Variants in CHRM2 observed in about 807,000 individuals in gnomAD.
CHRM2 encodes the protein cholinergic receptor muscarinic 2.
In CHRM2, 8 loss-of-function variants were observed where a neutral mutation model predicts 25.0. The ratio of observed to expected loss-of-function variants is 0.32; its 90% confidence interval spans 0.19 to 0.58. The LOEUF (loss-of-function observed/expected upper bound fraction) is 0.58, where lower values mean the gene tolerates loss of function less well. Ranked by LOEUF, CHRM2 falls within the 20% of genes least tolerant of loss-of-function variation. The probability of loss-of-function intolerance (pLI) is 0.88; values close to 1 mark genes in which losing one functional copy is unlikely to be tolerated. For missense variants in CHRM2, 440 were observed against 567.1 expected, an observed-to-expected ratio of 0.78 and a Z score of 2.28; for synonymous variants, 202 against 205.7, an observed-to-expected ratio of 0.98 and a Z score of 0.15.
intron 2 of CHRM2, among the ~76,000 whole-genome samples, chr7:136,977,814 G>A (rs1312634635): frequency 1.3e-5 from 2 of 152,080 alleles, no homozygotes; most frequent in Non-Finnish European, 2.9e-5. Context: ...CTTTACCAAG[G>A]CCAATGTCCA....
At chr7:136,991,242 C>T (rs1803206429) in intron 2 of CHRM2, among the ~76,000 whole-genome samples, 1 of 152,060 alleles carries the variant, frequency 6.6e-6, no homozygotes, top group South Asian at 2.1e-4. Flanking sequence ...ATGTTACCTT[C>T]TAGGATTTTT....
At chr7:136,983,984 G>A (rs1270231874) in intron 2 of CHRM2, among the ~76,000 whole-genome samples, 1 of 152,176 alleles carries the variant, frequency 6.6e-6, no homozygotes, top group East Asian at 1.9e-4. Flanking sequence ...GAGATCCGCT[G>A]CTCTCTTCAG....
chr7:136,976,951 T>A (rs1584862670), intron 2 of CHRM2, among the ~76,000 whole-genome samples: 1 of 152,188 alleles, frequency 6.6e-6, no homozygotes, highest in Admixed American at 6.5e-5. Context: ...CTGGAAATGT[T>A]GCAGTCTATT....
chr7:136,894,308 T>A (rs969042326), intron 2 of CHRM2, among the ~76,000 whole-genome samples: 6 of 152,174 alleles, frequency 3.9e-5, no homozygotes, highest in Admixed American at 3.9e-4. Flanking sequence ...AAATATAATC[T>A]TAGTTATCAT....
At chr7:136,980,766 C>A in intron 2 of CHRM2, among the ~76,000 whole-genome samples, 1 of 152,286 alleles carries the variant, frequency 6.6e-6, no homozygotes, top group East Asian at 1.9e-4. Context: ...GTGTGTTGAA[C>A]CAGCCTTGCA....
intron 2 of CHRM2, among the ~76,000 whole-genome samples, chr7:136,896,108 CT>C (rs1481616408): frequency 6.6e-6 from 1 of 151,992 alleles, no homozygotes; most frequent in Non-Finnish European, 1.5e-5. Flanking sequence ...ATTGCCTTTA[CT>C]TTTTTTTCTA....
In CHRM2 at chr7:136,881,909, G is replaced by A. The variant is rs117807411; in HGVS notation, c.-125+12491G>A. Among the ~76,000 whole-genome samples, 1,274 of 152,106 alleles carry A rather than the reference G, an allele frequency of 8.4e-3. 5 individuals are homozygous for A. The highest frequency in any genetic ancestry group is 0.014 in the Non-Finnish European group (955 of 67,926). On this transcript the variant is annotated intron_variant, in intron 2 of 3. Coordinates refer to ENST00000680005, the MANE Select transcript of CHRM2 (RefSeq NM_001006630.2). ...AATCTTCAGCAGCCATGGCCATGAC[G>A]AAGCTAAGTTAAAAAACTGAAAACC...
intron 3 of CHRM2, among the ~76,000 whole-genome samples, chr7:137,009,475 G>A (rs933150586): frequency 1.3e-5 from 2 of 152,044 alleles, no homozygotes; most frequent in African/African-American, 4.8e-5. Flanking sequence ...TATTGTGAAT[G>A]TCTCCTGCCC....
At chr7:136,938,799 C>A (rs532481169) in intron 2 of CHRM2, among the ~76,000 whole-genome samples, 2 of 151,814 alleles carry the variant, frequency 1.3e-5, no homozygotes, top group African/African-American at 4.8e-5. Flanking sequence ...GAAGCTCAGC[C>A]CTAGCCCTCA....
intron 2 of CHRM2, among the ~76,000 whole-genome samples, chr7:136,943,689 G>A (rs1179510163): frequency 3.9e-5 from 3 of 77,296 alleles, no homozygotes; most frequent in African/African-American, 1.7e-4. Flanking sequence ...CCAGAAAATG[G>A]GAACAGGAAC....
rs550795454 is a variant in CHRM2 at position 136,869,936 on chromosome 7, G to A, written c.-125+518G>A. On this transcript the variant is annotated intron_variant, in intron 2 of 3. Coordinates refer to ENST00000680005, the MANE Select transcript of CHRM2 (RefSeq NM_001006630.2). The surrounding 1 kb of genome is among the most constrained non-coding windows in gnomAD (Gnocchi z 4.9). ...TCGCTCGGGCTCCGAGCTGTCCCCCGGCTCCGCTTTCGGAGCAGCCCTTGG... is the reference window on the plus strand; with the variant it reads ...TCGCTCGGGCTCCGAGCTGTCCCCCAGCTCCGCTTTCGGAGCAGCCCTTGG... 1 of 152,366 alleles carries A rather than the reference G, an allele frequency of 6.6e-6. No individual in the cohort carries two copies. Among genetic ancestry groups the A allele is most frequent in the Non-Finnish European group, 1.5e-5 (1 of 68,172 alleles). 9.4% of individuals were successfully genotyped at this position (152,366 alleles called of 1,614,324 possible).
chr7:136,916,941 T>C (rs1798150752), intron 2 of CHRM2, among the ~76,000 whole-genome samples: 1 of 151,798 alleles, frequency 6.6e-6, no homozygotes, highest in South Asian at 2.1e-4. Context: ...TTTAATTCAG[T>C]TTCACAAAAA....
chr7:136,875,053 GTGTGTGTA>G (rs2130469777), intron 2 of CHRM2, among the ~76,000 whole-genome samples: 1 of 149,158 alleles, frequency 6.7e-6, no homozygotes, highest in African/African-American at 2.5e-5. Context: ...AAAAATGCAT[GTGTGTGTA>G]TGTGTGTATA....
chr7:136,958,399 C>T (rs1426196810), intron 2 of CHRM2, among the ~76,000 whole-genome samples: 1 of 146,422 alleles, frequency 6.8e-6, no homozygotes, highest in Non-Finnish European at 1.5e-5. Context: ...GTACTTCTTA[C>T]ATCTATTGTA....
rs183477420 is a variant in CHRM2 at position 136,962,011 on chromosome 7, C to T, written c.-124-30176C>T. On this transcript the variant is annotated intron_variant, in intron 2 of 3. Transcript: ENST00000680005. ...AACATAAAAATAGCTTCTCAGCAAC[C>T]TTTTCTAGAATCTGTAAAGGGAAAA... Among the ~76,000 whole-genome samples, 265 of 151,826 alleles carry T rather than the reference C, an allele frequency of 1.7e-3. 1 individual carries two copies. Among genetic ancestry groups the T allele is most frequent in the African/African-American group, 6.3e-3 (261 of 41,464 alleles).
At chr7:136,913,693 C>T (rs914687351) in intron 2 of CHRM2, among the ~76,000 whole-genome samples, 2 of 151,886 alleles carry the variant, frequency 1.3e-5, no homozygotes, top group African/African-American at 4.8e-5. Flanking sequence ...TGAGTGCCTA[C>T]TAACTGCTTA....
At chr7:137,004,211 C>T (rs1804264736) in intron 3 of CHRM2, among the ~76,000 whole-genome samples, 1 of 152,120 alleles carries the variant, frequency 6.6e-6, no homozygotes, top group Admixed American at 6.6e-5. Flanking sequence ...TATTTAAATA[C>T]TTCTGTATGT....
chr7:137,017,263 T>C lies in CHRM2; in HGVS notation c.*997T>C, dbSNP rs1340828939. 6.6e-6 allele frequency: 1 copy of C among 151,956 alleles called. No homozygotes were observed. Among genetic ancestry groups the C allele is most frequent in the African/African-American group, 2.4e-5 (1 of 41,402 alleles). 9.4% of individuals were successfully genotyped at this position (151,956 alleles called of 1,614,324 possible). A position where few individuals can be genotyped will look rare whatever the true frequency, so the allele number is the denominator to read the frequency against. ...TTGGACCAAGTTTATTAAAGTCAGG[T>C]GAATTTTAAGATTAAAAAATAGAAG... On this transcript the variant is annotated 3_prime_UTR_variant, in exon 4 of 4. Coordinates refer to ENST00000680005, the MANE Select transcript of CHRM2 (RefSeq NM_001006630.2).
chr7:136,924,993 T>G (rs1296455687), intron 2 of CHRM2, among the ~76,000 whole-genome samples: 2 of 152,208 alleles, frequency 1.3e-5, no homozygotes, highest in Non-Finnish European at 2.9e-5. Context: ...CAGAAAGCAC[T>G]TATCAAATTT....
Sources: gnomAD v4.1 joint callset for allele counts (sites outside exome capture counted in the v4.1 genomes callset) on GRCh38, gnomAD v4.1.1 for gene constraint, Gnocchi (gnomAD v3.1) non-coding constraint, MANE v1.5 for transcripts, NCBI Gene and HGNC (gene_info 2026-07-23, HGNC 2026-07-21) for gene names.